Variants in GPC5 observed in about 807,000 individuals in gnomAD.
The protein encoded by GPC5 is glypican 5.
A neutral mutation model predicts 53.9 loss-of-function variants in GPC5; 47 were observed. That is an observed-to-expected ratio of 0.87 (90% CI 0.69 to 1.11). The LOEUF is 1.11. Among genes scored for constraint, GPC5 ranks in the 50% most tolerant of loss-of-function variants. The probability of loss-of-function intolerance (pLI) is 0.00; values close to 1 mark genes in which losing one functional copy is unlikely to be tolerated. For synonymous variants in GPC5, 286 were observed against 263.3 expected, an observed-to-expected ratio of 1.09 and a Z score of -0.84; for missense variants, 748 against 713.1, an observed-to-expected ratio of 1.05 and a Z score of -0.56.
intron 7 of GPC5, among the ~76,000 whole-genome samples, chr13:92,757,011 C>T (rs1197901758): frequency 6.6e-6 from 1 of 151,854 alleles, no homozygotes; most frequent in Non-Finnish European, 1.5e-5. Flanking sequence ...CAAAAAAGAG[C>T]CCGCATTGCC....
intron 7 of GPC5, among the ~76,000 whole-genome samples, chr13:92,511,163 G>A (rs1180901): frequency 0.31 from 46,706 of 151,970 alleles, 8,515 homozygotes; most frequent in East Asian, 0.67. Flanking sequence ...CTTTATTTCT[G>A]TTCTTAATGT....
At chr13:92,856,256 A>T (rs1320520392) in intron 7 of GPC5, among the ~76,000 whole-genome samples, 1 of 152,112 alleles carries the variant, frequency 6.6e-6, no homozygotes, top group Non-Finnish European at 1.5e-5. Flanking sequence ...ATAAAAGCAC[A>T]TAGTTATCTC....
intron 2 of GPC5, among the ~76,000 whole-genome samples, chr13:91,480,982 G>A (rs974488218): frequency 6.6e-6 from 1 of 151,134 alleles, no homozygotes; most frequent in African/African-American, 2.4e-5. Flanking sequence ...AAAACTTCCA[G>A]ATAAATAGAA....
intron 2 of GPC5, among the ~76,000 whole-genome samples, chr13:91,545,695 T>C (rs2030243504): frequency 6.6e-6 from 1 of 152,062 alleles, no homozygotes; most frequent in Admixed American, 6.6e-5. Context: ...GAATAGTAAC[T>C]TCCCATTTCC....
chr13:91,822,288 C>T (rs2038507717), intron 5 of GPC5, among the ~76,000 whole-genome samples: 1 of 152,132 alleles, frequency 6.6e-6, no homozygotes, highest in African/African-American at 2.4e-5. Context: ...ACAATGAAAC[C>T]TGGATGTTGA....
chr13:91,778,458 G>A (rs976268319), intron 5 of GPC5, among the ~76,000 whole-genome samples: 1 of 152,058 alleles, frequency 6.6e-6, no homozygotes, highest in African/African-American at 2.4e-5. Context: ...CATTCTTTCT[G>A]TATGGGACTG....
At chr13:91,464,737 AT>A (rs575930424) in intron 2 of GPC5, among the ~76,000 whole-genome samples, 132 of 152,206 alleles carry the variant, frequency 8.7e-4, no homozygotes, top group African/African-American at 2.9e-3. Flanking sequence ...CTTTGTGGCA[AT>A]GGAACAGTTC....
intron 2 of GPC5, among the ~76,000 whole-genome samples, chr13:91,495,177 A>G: frequency 6.6e-6 from 1 of 152,188 alleles, no homozygotes; most frequent in Non-Finnish European, 1.5e-5. Context: ...ATATGACTAC[A>G]TATTACTGGC....
intron 5 of GPC5, among the ~76,000 whole-genome samples, chr13:91,903,043 T>G (rs577577161): frequency 1.3e-5 from 2 of 150,954 alleles, no homozygotes; most frequent in African/African-American, 4.9e-5. Context: ...TTTTTTTTTT[T>G]AACAAACTTA....
At chr13:92,516,662 C>T (rs1006211114) in intron 7 of GPC5, among the ~76,000 whole-genome samples, 2 of 152,124 alleles carry the variant, frequency 1.3e-5, no homozygotes. Flanking sequence ...TTTTAATTAT[C>T]ATCTATATAT....
intron 2 of GPC5, among the ~76,000 whole-genome samples, chr13:91,609,231 A>T (rs1223358702): frequency 6.6e-6 from 1 of 151,748 alleles, no homozygotes; most frequent in East Asian, 2.0e-4. Context: ...GCTGTATCAT[A>T]TTAGGTGCCA....
intron 7 of GPC5, among the ~76,000 whole-genome samples, chr13:92,844,347 A>G (rs1398738734): frequency 6.6e-6 from 1 of 152,132 alleles, no homozygotes; most frequent in Non-Finnish European, 1.5e-5. Flanking sequence ...TGTTTGAATT[A>G]AATTTCACTC....
rs142577900 is a variant in GPC5, at chr13:92,491,037, T to C, written c.1561+346048T>C. On this transcript the variant is annotated intron_variant, in intron 7 of 7. Coordinates refer to ENST00000377067, the MANE Select transcript of GPC5 (RefSeq NM_004466.6). ...AAGGACTCAGATGGTCTCGTTACTA[T>C]ATGGAACCAAGTTTCTGCTTAGTGA... 4.8e-3 allele frequency among the ~76,000 whole-genome samples: 727 copies of C among 152,204 alleles called. 7 individuals are homozygous for C. Among genetic ancestry groups the C allele is most frequent in the African/African-American group, 0.016 (665 of 41,552 alleles).
intron 7 of GPC5, among the ~76,000 whole-genome samples, chr13:92,635,252 T>G (rs534606736): frequency 6.6e-6 from 1 of 152,176 alleles, no homozygotes; most frequent in Non-Finnish European, 1.5e-5. Context: ...GTATATAAGT[T>G]TATCTTGGTT....
intron 7 of GPC5, among the ~76,000 whole-genome samples, chr13:92,271,015 A>G (rs562298878): frequency 6.6e-6 from 1 of 152,352 alleles, no homozygotes; most frequent in South Asian, 2.1e-4. Context: ...TCAAAAAGAC[A>G]TAGAGGCTCT....
chr13:91,541,469 A>G (rs7489477), intron 2 of GPC5, among the ~76,000 whole-genome samples: 118,207 of 152,056 alleles, frequency 0.78, 47,413 homozygotes, highest in East Asian at 1. Flanking sequence ...AATCTATAGT[A>G]TTCCCAATTT....
At chr13:92,454,950 T>C (rs937483184) in intron 7 of GPC5, among the ~76,000 whole-genome samples, 6 of 152,226 alleles carry the variant, frequency 3.9e-5, no homozygotes, top group Non-Finnish European at 8.8e-5. Flanking sequence ...ATTATAATCA[T>C]AGCTCCAGTA....
chr13:92,580,509 A>G (rs903548007), intron 7 of GPC5, among the ~76,000 whole-genome samples: 13 of 152,214 alleles, frequency 8.5e-5, no homozygotes, highest in African/African-American at 3.1e-4. Context: ...TGCTATAAAG[A>G]AACACCTGAG....
At chr13:92,488,072 T>C (rs1247286213) in intron 7 of GPC5, among the ~76,000 whole-genome samples, 1 of 152,068 alleles carries the variant, frequency 6.6e-6, no homozygotes, top group East Asian at 1.9e-4. Context: ...TCAATAAAAA[T>C]GTGAACATAT....
Sources: gnomAD v4.1 joint callset for allele counts (sites outside exome capture counted in the v4.1 genomes callset) on GRCh38, gnomAD v4.1.1 for gene constraint, MANE v1.5 for transcripts, NCBI Gene and HGNC (gene_info 2026-07-23, HGNC 2026-07-21) for gene names.